Variants in QRICH1 observed in about 807,000 individuals in gnomAD.
QRICH1 encodes transcriptional regulator QRICH1.
Under a neutral mutation model 87.1 loss-of-function variants are expected in QRICH1, and 16 were observed. The observed-to-expected ratio is 0.18, with a 90% CI of 0.12 to 0.28. QRICH1 has a LOEUF of 0.28. Ranked by LOEUF, QRICH1 falls within the 10% of genes least tolerant of loss-of-function variation. The pLI, the probability that QRICH1 is intolerant of heterozygous loss-of-function variation, is 1.00. For missense variants in QRICH1, 647 were observed against 951.7 expected, an observed-to-expected ratio of 0.68 and a Z score of 4.21; for synonymous variants, 367 against 368.4, an observed-to-expected ratio of 1.00 and a Z score of 0.05.
At chr3:49,086,408 C>T (rs1036925197) in intron 1 of QRICH1, among the ~76,000 whole-genome samples, 1 of 152,142 alleles carries the variant, frequency 6.6e-6, no homozygotes, top group African/African-American at 2.4e-5. Flanking sequence ...AGGCACCCAC[C>T]ACCACGCCCG....
intron 1 of QRICH1, among the ~76,000 whole-genome samples, chr3:49,089,302 C>T (rs939925852): frequency 6.6e-6 from 1 of 152,090 alleles, no homozygotes; most frequent in Non-Finnish European, 1.5e-5. Flanking sequence ...TTAGGTGATC[C>T]GCCCGCATTG....
intron 6 of QRICH1, among the ~76,000 whole-genome samples, chr3:49,042,072 CTG>C (rs1467372707): frequency 4.7e-5 from 6 of 128,268 alleles, no homozygotes; most frequent in Non-Finnish European, 9.6e-5. Flanking sequence ...CGCGCCCAGA[CTG>C]TGTTTTTTTT....
intron 4 of QRICH1, 44 bp from the exon 5 acceptor site, chr3:49,046,623 A>AT: frequency 6.2e-7 from 1 of 1,600,852 alleles, no homozygotes; most frequent in Non-Finnish European, 8.5e-7. Context: ...CTGGGGGTCC[A>AT]TATCTGGAAG....
At chr3:49,047,913 G>A (rs746050107) in intron 3 of QRICH1, among the ~76,000 whole-genome samples, 15 of 151,780 alleles carry the variant, frequency 9.9e-5, no homozygotes, top group Non-Finnish European at 2.1e-4. Flanking sequence ...GTGATAGAGC[G>A]AGACTCTGTC....
chr3:49,046,261 T>C (rs1287600578), intron 5 of QRICH1, among the ~76,000 whole-genome samples, 164 bp downstream of exon 5: 1 of 142,120 alleles, frequency 7.0e-6, no homozygotes, highest in African/African-American at 2.5e-5. Context: ...TTTTTAAAAC[T>C]TAAAAAAAAA....
intron 1 of QRICH1, chr3:49,092,385 A>AT (rs1338543912): frequency 2.0e-5 from 3 of 152,098 alleles, no homozygotes; most frequent in Non-Finnish European, 4.4e-5. Flanking sequence ...GATATGAACA[A>AT]TTTTAACTCA....
chr3:49,030,539 C>T lies in QRICH1; in HGVS notation c.2244G>A (p.Glu748=), dbSNP rs889404472. The T allele has an allele frequency of 8.1e-6, 13 of 1,613,988 alleles. No individual in the cohort carries two copies. Among genetic ancestry groups the T allele is most frequent in the Non-Finnish European group, 1.1e-5 (13 of 1,180,014 alleles). ...TCCGCGTCAGCATTTGTCCCATCTG[C>T]TCTCTGCTGATAGGCTGGACTGAGT... ...IWYSVQPISR[E]QMGQMLTRIL... is the part of the protein sequence containing the mutation. Residue 748 remains glutamate (E), a synonymous_variant, in exon 10 of 10, where the codon GAG becomes GAA. Transcript: ENST00000395443.
intron 6 of QRICH1, among the ~76,000 whole-genome samples, chr3:49,040,251 C>G (rs1034019193): frequency 1.3e-5 from 2 of 152,198 alleles, no homozygotes; most frequent in African/African-American, 4.8e-5. Flanking sequence ...TGTCTCTGTT[C>G]CAACAATAGC....
intron 2 of QRICH1, among the ~76,000 whole-genome samples, chr3:49,073,859 G>A (rs1356150680): frequency 1.3e-5 from 2 of 151,850 alleles, no homozygotes; most frequent in African/African-American, 4.8e-5. Flanking sequence ...ATGTTGCCCA[G>A]GCTGGTTTTA....
rs572544339 is a variant in QRICH1 at position 49,077,114 on chromosome 3, G to A, written c.-21-76C>T. The stretch of plus-strand genomic sequence containing the variant: ...CCCAGAAGCAATTACCCTTGCACAA[G>A]AGTGGAATATATTCAGGGCAGCTGT... On this transcript the variant is annotated intron_variant, in intron 1 of 9. Coordinates refer to ENST00000395443, the MANE Select transcript of QRICH1 (RefSeq NM_198880.3). 1.8e-5 allele frequency: 17 copies of A among 959,256 alleles called. No individual in the cohort carries two copies. The African/African-American group carries it at 2.3e-4, about 13-fold the overall frequency. The allele number at this position is 959,256 out of a possible 1,614,324, so 59.4% of individuals were successfully genotyped here. A position where few individuals can be genotyped will look rare whatever the true frequency, so the allele number is the denominator to read the frequency against.
At chr3:49,060,826 C>T (rs2093430338) in intron 2 of QRICH1, among the ~76,000 whole-genome samples, 1 of 151,990 alleles carries the variant, frequency 6.6e-6, no homozygotes, top group Non-Finnish European at 1.5e-5. Context: ...AGGCTGCATG[C>T]TCCTTATTAG....
chr3:49,091,137 G>A (rs1340613908), intron 1 of QRICH1, among the ~76,000 whole-genome samples: 1 of 151,990 alleles, frequency 6.6e-6, no homozygotes, highest in Non-Finnish European at 1.5e-5. Context: ...GCAGGAGAAT[G>A]GCGTGAACCC....
In QRICH1 at chr3:49,034,441, C is replaced by CA. The variant is rs761722925; in HGVS notation, c.1787-1214dup. Among the ~76,000 whole-genome samples the CA allele has an allele frequency of 5.2e-3, 569 of 109,312 alleles. 1 individual carries two copies. Among genetic ancestry groups the CA allele is most frequent in the Middle Eastern group, 0.01 (2 of 198 alleles). 71.7% of individuals were successfully genotyped at this position (109,312 alleles called of 152,430 possible). A position where few individuals can be genotyped will look rare whatever the true frequency, so the allele number is the denominator to read the frequency against. ...TGGGTGACAGAGTGAGATCCTGTCT[C>CA]AAAAAAAAAAAAAAGGGAAAAAAAA... On this transcript the variant is annotated intron_variant, in intron 6 of 9. Coordinates refer to ENST00000395443, the MANE Select transcript of QRICH1 (RefSeq NM_198880.3).
intron 2 of QRICH1, among the ~76,000 whole-genome samples, chr3:49,069,243 C>A (rs1403602030): frequency 1.3e-5 from 2 of 151,528 alleles, no homozygotes; most frequent in Non-Finnish European, 2.9e-5. Context: ...GCTGGGATTA[C>A]AGGTGCCCAC....
intron 1 of QRICH1, among the ~76,000 whole-genome samples, chr3:49,083,885 C>T (rs1200758572): frequency 3.3e-5 from 5 of 151,302 alleles, no homozygotes; most frequent in African/African-American, 4.8e-5. Flanking sequence ...CTGCAACCTC[C>T]GTGCCCCCCA....
At chr3:49,090,053 G>A (rs949220305) in intron 1 of QRICH1, among the ~76,000 whole-genome samples, 4 of 152,288 alleles carry the variant, frequency 2.6e-5, no homozygotes, top group Admixed American at 6.5e-5. Flanking sequence ...AGTGGCTCAC[G>A]CCTGTAATCT....
chr3:49,034,140 T>G (rs2093260250), intron 6 of QRICH1, among the ~76,000 whole-genome samples: 1 of 151,106 alleles, frequency 6.6e-6, no homozygotes, highest in Non-Finnish European at 1.5e-5. Flanking sequence ...CTACAATATT[T>G]ATCTTTTTTT....
chr3:49,088,214 A>G (rs903134997), intron 1 of QRICH1, among the ~76,000 whole-genome samples: 54 of 152,128 alleles, frequency 3.5e-4, no homozygotes, highest in African/African-American at 1.3e-3. Flanking sequence ...CGGCCTCCCA[A>G]AGTGGTGGGA....
At chr3:49,059,065 C>G (rs2093419727) in intron 2 of QRICH1, among the ~76,000 whole-genome samples, 1 of 150,264 alleles carries the variant, frequency 6.7e-6, no homozygotes, top group African/African-American at 2.5e-5. Flanking sequence ...GGGTTCACGC[C>G]ATTCTCCTGC....
Sources: allele counts gnomAD v4.1 joint callset (sites outside exome capture counted in the v4.1 genomes callset), GRCh38; gene constraint gnomAD v4.1.1; transcripts MANE v1.5; gene names NCBI Gene and HGNC (gene_info 2026-07-23, HGNC 2026-07-21).